VPS13A: variants seen among roughly 807,000 people sequenced by gnomAD.
VPS13A encodes intermembrane lipid transfer protein VPS13A.
VPS13A carries 264 observed loss-of-function variants against 390.9 expected under a neutral mutation model. The ratio of observed to expected loss-of-function variants is 0.68; its 90% CI spans 0.61 to 0.75. The LOEUF (loss-of-function observed/expected upper bound fraction) is 0.75, where lower values mean the gene tolerates loss of function less well. Ranked by LOEUF, VPS13A falls within the 30% of genes least tolerant of loss-of-function variation. The probability of loss-of-function intolerance (pLI) is 0.00; values close to 1 mark genes in which losing one functional copy is unlikely to be tolerated. For synonymous variants in VPS13A, 1,231 were observed against 1,227.1 expected (o/e 1.00, Z -0.07); for missense variants, 3,409 against 3,733.9 (o/e 0.91, Z 2.27).
At chr9:77,200,731 T>A (rs1464033547) in intron 2 of VPS13A, among the ~76,000 whole-genome samples, 5 of 152,174 alleles carry the variant, frequency 3.3e-5, no homozygotes, top group Non-Finnish European at 7.3e-5. Context: ...ATTTTTTTAA[T>A]TGCTTGTGCT....
intron 1 of VPS13A, among the ~76,000 whole-genome samples, chr9:77,184,099 T>C (rs1427049111): frequency 6.6e-6 from 1 of 152,202 alleles, no homozygotes; most frequent in Non-Finnish European, 1.5e-5. Context: ...GAAGAAAATA[T>C]ACAAATCTTA....
In VPS13A at chr9:77,418,735, C is replaced by T. The variant is rs1835249884; in HGVS notation, c.*2729C>T. 1 of 152,156 alleles carries T rather than the reference C, an allele frequency of 6.6e-6. No homozygotes were observed. The highest frequency in any genetic ancestry group is 1.5e-5 in the Non-Finnish European group (1 of 68,038). The allele number at this position is 152,156 out of a possible 1,614,324, so 9.4% of individuals were successfully genotyped here. A position where few individuals can be genotyped will look rare whatever the true frequency, so the allele number is the denominator to read the frequency against. On this transcript the variant is annotated 3_prime_UTR_variant, in exon 72 of 72. Transcript: ENST00000360280. The stretch of plus-strand genomic sequence containing the variant: ...CCTCCAAGTGAATAAATCTTTCTTA[C>T]ACTTACTTACGTGATATTTTCTATC...
At chr9:77,369,271 T>C (rs1463264633) in intron 62 of VPS13A, 28 bp from the exon 63 acceptor site, 1 of 1,491,298 alleles carries the variant, frequency 6.7e-7, no homozygotes, top group Non-Finnish European at 9.4e-7. Context: ...ATTATCTGAA[T>C]TGATTAATGT....
intron 3 of VPS13A, among the ~76,000 whole-genome samples, chr9:77,201,817 T>C (rs1825347611): frequency 6.6e-6 from 1 of 152,204 alleles, no homozygotes; most frequent in South Asian, 2.1e-4. Context: ...ATTTCTGCTC[T>C]GCAAGTTTTT....
intron 68 of VPS13A, among the ~76,000 whole-genome samples, chr9:77,385,924 A>G (rs1833662465): frequency 6.6e-6 from 1 of 152,074 alleles, no homozygotes; most frequent in Non-Finnish European, 1.5e-5. Flanking sequence ...AAAAAAACTG[A>G]AAAAAATCAG....
chr9:77,315,531 C>A (rs1299262937), intron 38 of VPS13A, 61 bp downstream of exon 38: 1 of 1,452,124 alleles, frequency 6.9e-7, no homozygotes, highest in Non-Finnish European at 9.6e-7. Context: ...CAGGACTTAA[C>A]CTTGATTAGC....
intron 26 of VPS13A, among the ~76,000 whole-genome samples, chr9:77,276,976 G>A (rs1419739658): frequency 2.6e-5 from 4 of 152,076 alleles, no homozygotes; most frequent in South Asian, 2.1e-4. Flanking sequence ...CTCAGATTCC[G>A]GGGGATTAGA....
chr9:77,200,639 C>A (rs1016391486), intron 2 of VPS13A, among the ~76,000 whole-genome samples: 4 of 152,086 alleles, frequency 2.6e-5, no homozygotes, highest in Admixed American at 1.3e-4. Flanking sequence ...TTACTGTAGG[C>A]CTCAGCTCCT....
At chr9:77,193,024 G>T (rs930821187) in intron 1 of VPS13A, among the ~76,000 whole-genome samples, 18 of 152,112 alleles carry the variant, frequency 1.2e-4, no homozygotes, top group African/African-American at 4.3e-4. Context: ...GTTTTTGGGA[G>T]ATTTTTTTCC....
chr9:77,204,248 T>C (rs910633754), intron 3 of VPS13A, among the ~76,000 whole-genome samples: 5 of 152,188 alleles, frequency 3.3e-5, no homozygotes, highest in African/African-American at 1.2e-4. Context: ...TGTATAAATC[T>C]AGACACTCAT....
At chr9:77,280,279 G>A in intron 27 of VPS13A, 41 bp downstream of exon 27, 1 of 1,492,058 alleles carries the variant, frequency 6.7e-7, no homozygotes, top group Non-Finnish European at 9.3e-7. Flanking sequence ...TGGTAAGTAT[G>A]CTGCTGAAAT....
intron 45 of VPS13A, among the ~76,000 whole-genome samples, chr9:77,324,893 C>CA (rs1829926802): frequency 6.6e-6 from 1 of 151,602 alleles, no homozygotes; most frequent in Non-Finnish European, 1.5e-5. Context: ...ATTAAAGCAG[C>CA]AGTACCCAAC....
At chr9:77,213,475 A>G (rs1260568327) in intron 9 of VPS13A, among the ~76,000 whole-genome samples, 161 bp downstream of exon 9, 2 of 151,702 alleles carry the variant, frequency 1.3e-5, no homozygotes, top group Non-Finnish European at 2.9e-5. Context: ...CTATACACAA[A>G]CATGAATACA....
At chr9:77,381,626 ACT>A (rs1015945756) in intron 67 of VPS13A, among the ~76,000 whole-genome samples, 1 of 152,040 alleles carries the variant, frequency 6.6e-6, no homozygotes, top group African/African-American at 2.4e-5. Flanking sequence ...TTCACAGAAA[ACT>A]CTTAGAAGCT....
At chr9:77,301,766 C>A (rs1828370941) in intron 33 of VPS13A, among the ~76,000 whole-genome samples, 1 of 152,034 alleles carries the variant, frequency 6.6e-6, no homozygotes, top group Non-Finnish European at 1.5e-5. Context: ...CTTGGAAAGG[C>A]AAATATAGTT....
At chr9:77,251,293 G>A (rs1051252511) in intron 21 of VPS13A, among the ~76,000 whole-genome samples, 19 of 152,112 alleles carry the variant, frequency 1.2e-4, no homozygotes, top group Non-Finnish European at 2.5e-4. Flanking sequence ...CTGACTCATA[G>A]AATTATTATG....
At chr9:77,272,017 T>G (rs1391277830) in intron 23 of VPS13A, among the ~76,000 whole-genome samples, 2 of 151,724 alleles carry the variant, frequency 1.3e-5, no homozygotes, top group African/African-American at 4.9e-5. Context: ...CTTTAGAGTT[T>G]ATGTACTTCG....
chr9:77,260,523 T>C (rs1825700533), intron 23 of VPS13A, among the ~76,000 whole-genome samples: 1 of 151,134 alleles, frequency 6.6e-6, no homozygotes, highest in Admixed American at 6.6e-5. Context: ...GCCCGGCTAA[T>C]TTTTTGTATT....
chr9:77,391,362 G>T (rs1052463843), intron 68 of VPS13A, among the ~76,000 whole-genome samples: 4 of 152,158 alleles, frequency 2.6e-5, no homozygotes, highest in South Asian at 2.1e-4. Context: ...TCCTGTGAAA[G>T]GATACATTCA....
Sources: gnomAD v4.1 joint callset for allele counts (sites outside exome capture counted in the v4.1 genomes callset) on GRCh38, gnomAD v4.1.1 for gene constraint, MANE v1.5 for transcripts, NCBI Gene and HGNC (gene_info 2026-07-23, HGNC 2026-07-21) for gene names.